Variants in FAM167A observed in about 807,000 individuals in gnomAD.
The protein encoded by FAM167A is protein FAM167A.
FAM167A carries 23 observed loss-of-function variants against 14.9 expected under a neutral mutation model. That is an observed-to-expected ratio of 1.55 (90% CI 1.11 to 2.19). FAM167A has a LOEUF of 2.19. FAM167A is among the 30% of genes most tolerant of loss of function. The pLI is 0.00. For synonymous variants in FAM167A, 174 were observed against 117.7 expected, an observed-to-expected ratio of 1.48 and a Z score of -3.10; for missense variants, 401 against 281.5, an observed-to-expected ratio of 1.42 and a Z score of -3.04.
chr8:11,470,405 G>C (rs993409862), upstream of FAM167A, among the ~76,000 whole-genome samples: 1 of 152,168 alleles, frequency 6.6e-6, no homozygotes, highest in Non-Finnish European at 1.5e-5. Flanking sequence ...ATGCCTCGAG[G>C]CCAGAATGCA....
chr8:11,430,667 G>C (rs1427360739), intron 2 of FAM167A, among the ~76,000 whole-genome samples: 1 of 152,162 alleles, frequency 6.6e-6, no homozygotes, highest in African/African-American at 2.4e-5. Flanking sequence ...CCAAGAGCAG[G>C]ATTAAGTCAC....
chr8:11,439,589 A>C (rs975386566), intron 2 of FAM167A, among the ~76,000 whole-genome samples: 3 of 152,212 alleles, frequency 2.0e-5, no homozygotes, highest in African/African-American at 7.2e-5. Context: ...TAACAGCCAT[A>C]AACACCTCCT....
intron 2 of FAM167A, among the ~76,000 whole-genome samples, chr8:11,431,613 C>A (rs907819500): frequency 3.9e-5 from 6 of 152,166 alleles, no homozygotes; most frequent in Admixed American, 3.9e-4. Context: ...TGCCCAGGAC[C>A]TACCTGGTTC....
chr8:11,424,426 G>A lies in FAM167A; in HGVS notation c.592C>T (p.Leu198Phe), dbSNP rs1299815468. 5 of 1,614,084 alleles carry A rather than the reference G, an allele frequency of 3.1e-6. No individual in the cohort carries two copies. The highest frequency in any genetic ancestry group is 4.2e-6 in the Non-Finnish European group (5 of 1,180,020). Residue 198 changes from leucine to phenylalanine, a missense_variant, in exon 3 of 3, where the codon CTT becomes TTT. Physicochemically the swap from Leu to Phe is conservative, Grantham distance 22. Transcript: ENST00000284486. ...ATGTTCATCTTGGTCACGCCAATAAGCTTGAGTGGTGTGGAGAGGCTGAAG... is the reference window on the plus strand; with the variant it reads ...ATGTTCATCTTGGTCACGCCAATAAACTTGAGTGGTGTGGAGAGGCTGAAG... ...SSFSLSTPLK[L>F]IGVTKMNINS...
intron 1 of FAM167A, chr8:11,474,712 C>CA (rs901286387): frequency 4.6e-5 from 7 of 152,216 alleles, no homozygotes; most frequent in African/African-American, 1.7e-4. Context: ...ATGGTCTGAT[C>CA]AAAATGTTTC....
intron 2 of FAM167A, among the ~76,000 whole-genome samples, chr8:11,437,645 G>A (rs923246646): frequency 2.6e-5 from 4 of 152,162 alleles, no homozygotes; most frequent in Non-Finnish European, 4.4e-5. Flanking sequence ...ACCTCCCCAG[G>A]TTTATGGAAT....
intron 1 of FAM167A, among the ~76,000 whole-genome samples, chr8:11,457,005 A>C (rs1255759386): frequency 2.3e-5 from 1 of 43,848 alleles, no homozygotes. Context: ...TGGGTTAGGG[A>C]AGTGGGCGGG....
chr8:11,437,013 C>T (rs1326772472), intron 2 of FAM167A, among the ~76,000 whole-genome samples: 6 of 152,178 alleles, frequency 3.9e-5, no homozygotes, highest in Non-Finnish European at 8.8e-5. Context: ...CTATTTTCTG[C>T]CCCAGCCTCC....
At chr8:11,463,102 A>G (rs1807602967) in intron 1 of FAM167A, among the ~76,000 whole-genome samples, 1 of 152,198 alleles carries the variant, frequency 6.6e-6, no homozygotes, top group African/African-American at 2.4e-5. Flanking sequence ...TATTTGTCCA[A>G]AAATGTGTAC....
chr8:11,437,779 A>C lies in FAM167A; in HGVS notation c.381+6252T>G, dbSNP rs540408851. On this transcript the variant is annotated intron_variant, in intron 2 of 2. Transcript: ENST00000284486. ...TAATGGGGAGGGTGCCCATCAGAGG[A>C]ATTGAGTTTATTATTATAGAAGAAA... Among the ~76,000 whole-genome samples, 9 of 152,298 alleles carry C rather than the reference A, an allele frequency of 5.9e-5. No homozygotes were observed. In the East Asian group the frequency reaches 1.7e-3, roughly 29 times the overall value.
At chr8:11,457,141 G>C (rs1301827659) in intron 1 of FAM167A, among the ~76,000 whole-genome samples, 1 of 150,314 alleles carries the variant, frequency 6.7e-6, no homozygotes, top group Non-Finnish European at 1.5e-5. Context: ...GCTGGGTTAG[G>C]GGTGTGGGTG....
chr8:11,439,148 G>C (rs189485134), intron 2 of FAM167A, among the ~76,000 whole-genome samples: 112 of 152,320 alleles, frequency 7.4e-4, no homozygotes, highest in African/African-American at 2.4e-3. Context: ...TGGCCAAGTC[G>C]CTTTAAACTT....
intron 1 of FAM167A, among the ~76,000 whole-genome samples, chr8:11,460,974 C>A (rs1158587241): frequency 1.3e-5 from 2 of 152,256 alleles, no homozygotes; most frequent in Non-Finnish European, 2.9e-5. Flanking sequence ...AGCTGACGCA[C>A]AGTCCTCCTG....
intron 1 of FAM167A, among the ~76,000 whole-genome samples, chr8:11,454,542 G>T (rs1807154008): frequency 6.6e-6 from 1 of 152,224 alleles, no homozygotes; most frequent in Non-Finnish European, 1.5e-5. Flanking sequence ...AGAACAGTGA[G>T]GCCAGCCCCA....
At chr8:11,448,845 C>G (rs1312482255) in intron 1 of FAM167A, among the ~76,000 whole-genome samples, 2 of 152,230 alleles carry the variant, frequency 1.3e-5, no homozygotes, top group East Asian at 3.8e-4. Context: ...GCACTGCTGA[C>G]AAGCCGAGCA....
intron 2 of FAM167A, chr8:11,434,795 A>G (rs1382953401): frequency 2.9e-6 from 1 of 341,438 alleles, no homozygotes; most frequent in Non-Finnish European, 5.8e-6. Flanking sequence ...CTACACAGAG[A>G]GAGGATGCTG....
At chr8:11,449,157 T>C (rs1267752345) in intron 1 of FAM167A, among the ~76,000 whole-genome samples, 1 of 152,252 alleles carries the variant, frequency 6.6e-6, no homozygotes, top group African/African-American at 2.4e-5. Flanking sequence ...GCATGTGTTT[T>C]CCTGGTCGTC....
In FAM167A at chr8:11,424,431, A is replaced by C. The variant is rs770101595; in HGVS notation, c.587T>G (p.Leu196Arg). ...LASSFSLSTP[L>R]KLIGVTKMNI... ...CATCTTGGTCACGCCAATAAGCTTG[A>C]GTGGTGTGGAGAGGCTGAAGGAGGA... is the stretch of plus-strand genomic sequence containing the variant. Residue 196 changes from leucine to arginine, a missense_variant, in exon 3 of 3, where the codon CTC becomes CGC. Leu to Arg is a moderately radical substitution (Grantham distance 102, BLOSUM62 -2). Coordinates refer to ENST00000284486, the MANE Select transcript of FAM167A (RefSeq NM_053279.3). 6.2e-7 allele frequency: 1 copy of C among 1,613,784 alleles called. No homozygotes were observed. Among genetic ancestry groups the C allele is most frequent in the Non-Finnish European group, 8.5e-7 (1 of 1,179,954 alleles).
intron 2 of FAM167A, chr8:11,443,676 A>C: frequency 4.6e-6 from 1 of 216,036 alleles, no homozygotes; most frequent in Non-Finnish European, 9.3e-6. Context: ...CAGGGTGGGG[A>C]GGTTCCAGCA....
Sources: gnomAD v4.1 joint callset for allele counts (sites outside exome capture counted in the v4.1 genomes callset) on GRCh38, gnomAD v4.1.1 for gene constraint, MANE v1.5 for transcripts, NCBI Gene and HGNC (gene_info 2026-07-23, HGNC 2026-07-21) for gene names.